FAM149B1: variants seen among roughly 807,000 people sequenced by gnomAD.
FAM149B1 encodes the protein primary cilium assembly protein FAM149B1.
Under a neutral mutation model 75.3 loss-of-function variants are expected in FAM149B1, and 56 were observed. That is an observed-to-expected ratio of 0.74 (90% CI 0.60 to 0.93). FAM149B1 has a LOEUF of 0.93. FAM149B1 is among the 40% of genes least tolerant of loss of function. FAM149B1 has a pLI of 0.00. For synonymous variants in FAM149B1, 259 were observed against 256.1 expected (o/e 1.01, Z -0.11); for missense variants, 639 against 708.4 (o/e 0.90, Z 1.11).
At chr10:73,236,144 A>G (rs759643448) in intron 12 of FAM149B1, among the ~76,000 whole-genome samples, 3 of 152,178 alleles carry the variant, frequency 2.0e-5, no homozygotes, top group East Asian at 1.9e-4. Context: ...TTTTTCTTCT[A>G]TGAGAAGAGT....
chr10:73,210,257 G>A lies in FAM149B1; in HGVS notation c.717G>A (p.Glu239=). The A allele has an allele frequency of 6.5e-7, 1 of 1,549,268 alleles. No homozygotes were observed. The highest frequency in any genetic ancestry group is 8.7e-7 in the Non-Finnish European group (1 of 1,145,066). ...CTTCTTGCTTCTGTTACAGAGAAGA[G>A]GGATTTCATGGGAAGAAATCAGAAG... ...YLAFDHIDIE[E]GFHGKKSEAA... is the part of the protein sequence containing the mutation. Residue 239 remains glutamate (E), a synonymous_variant, in exon 7 of 14, where the codon GAG becomes GAA. Coordinates refer to ENST00000242505, the MANE Select transcript of FAM149B1 (RefSeq NM_173348.2).
chr10:73,231,923 G>GT (rs995774984), intron 9 of FAM149B1, among the ~76,000 whole-genome samples: 3 of 134,564 alleles, frequency 2.2e-5, no homozygotes, highest in Non-Finnish European at 4.6e-5. Context: ...GTTAGGGTGT[G>GT]TTAAAAAAAA....
chr10:73,225,428 A>G (rs984638126), intron 7 of FAM149B1, among the ~76,000 whole-genome samples: 1 of 152,234 alleles, frequency 6.6e-6, no homozygotes, highest in Non-Finnish European at 1.5e-5. Context: ...TTAGATTTTA[A>G]CAAAAAGATT....
In FAM149B1 at chr10:73,168,294, GC is replaced by G. The variant is rs1415602062; in HGVS notation, c.-42del. On this transcript the variant is annotated 5_prime_UTR_variant, in exon 1 of 14. Transcript: ENST00000242505. ...CGGAGGCCCCCACCCTGGCGTGCCT[GC>G]CCCGGCCGCGGCTGAGGAGGAGGAG... 1.3e-5 allele frequency: 20 copies of G among 1,545,370 alleles called. No homozygotes were observed. Among genetic ancestry groups the G allele is most frequent in the Non-Finnish European group, 7.9e-6 (9 of 1,145,184 alleles).
chr10:73,209,694 C>G (rs1431586389), intron 6 of FAM149B1, among the ~76,000 whole-genome samples: 2 of 152,206 alleles, frequency 1.3e-5, no homozygotes, highest in Non-Finnish European at 2.9e-5. Context: ...TCAATCCAGT[C>G]TTCTCTTCAC....
intron 12 of FAM149B1, among the ~76,000 whole-genome samples, chr10:73,237,187 G>T (rs2043841071): frequency 6.6e-6 from 1 of 152,090 alleles, no homozygotes; most frequent in Non-Finnish European, 1.5e-5. Flanking sequence ...CAAGTTCCAG[G>T]TGGACATAAA....
rs2043754700 is a variant in FAM149B1 at position 73,233,327 on chromosome 10, T to C, written c.1352+164T>C. ...TTAGATCCAACACAAAATTTTTTAA[T>C]GTGGTTAAATTTTATTTTATTTTAT... On this transcript the variant is annotated intron_variant, in intron 10 of 13. Transcript: ENST00000242505. 20 of 603,726 alleles carry C rather than the reference T, an allele frequency of 3.3e-5. 1 individual carries two copies. The South Asian group carries it at 3.9e-4, about 12-fold the overall frequency. 37.4% of individuals were successfully genotyped at this position (603,726 alleles called of 1,614,324 possible).
At position 73,239,398 on chromosome 10, in the gene FAM149B1, C is replaced by T; in HGVS notation, c.1675+14C>T. ...GGGGATCTGCAGGTAAAGGTGGGGC[C>T]ATGGCCCTTATTTACTACTGTGTGG... On this transcript the variant is annotated intron_variant, in intron 13 of 13. Coordinates refer to ENST00000242505, the MANE Select transcript of FAM149B1 (RefSeq NM_173348.2). 1 of 1,547,896 alleles carries T rather than the reference C, an allele frequency of 6.5e-7. No individual in the cohort carries two copies. The highest frequency in any genetic ancestry group is 8.7e-7 in the Non-Finnish European group (1 of 1,143,636).
intron 3 of FAM149B1, among the ~76,000 whole-genome samples, chr10:73,189,925 T>G (rs1309843878): frequency 6.6e-6 from 1 of 152,236 alleles, no homozygotes; most frequent in Admixed American, 6.5e-5. Context: ...TAACATCTAT[T>G]TAAATTATTA....
intron 3 of FAM149B1, among the ~76,000 whole-genome samples, chr10:73,180,742 C>G (rs1027846393): frequency 6.6e-6 from 1 of 152,058 alleles, no homozygotes; most frequent in African/African-American, 2.4e-5. Flanking sequence ...GGTGTTTATC[C>G]TTTGAATTAC....
At chr10:73,237,775 G>C (rs1405100597) in intron 12 of FAM149B1, among the ~76,000 whole-genome samples, 1 of 151,928 alleles carries the variant, frequency 6.6e-6, no homozygotes, top group African/African-American at 2.4e-5. Flanking sequence ...ACCCAGGCTG[G>C]AGTGTAGTGG....
At chr10:73,207,402 A>G (rs1207037593) in intron 5 of FAM149B1, among the ~76,000 whole-genome samples, 3 of 151,994 alleles carry the variant, frequency 2.0e-5, no homozygotes, top group Admixed American at 6.6e-5. Context: ...CATCTCTACT[A>G]AAAATACAAA....
At chr10:73,228,038 T>C (rs1291059419) in intron 7 of FAM149B1, 22 bp from the exon 8 acceptor site, 7 of 1,550,670 alleles carry the variant, frequency 4.5e-6, no homozygotes, top group Non-Finnish European at 6.1e-6. Flanking sequence ...CCATGGATAA[T>C]ATATCCTGTT....
intron 7 of FAM149B1, among the ~76,000 whole-genome samples, chr10:73,220,467 C>T (rs2043385637): frequency 6.6e-6 from 1 of 152,114 alleles, no homozygotes; most frequent in East Asian, 1.9e-4. Flanking sequence ...AAAACTTGAA[C>T]ATGAATGCTC....
At chr10:73,168,431 G>T in intron 1 of FAM149B1, 45 bp downstream of exon 1, 1 of 1,546,434 alleles carries the variant, frequency 6.5e-7, no homozygotes. Context: ...GGCGGCGGGC[G>T]CTCTGGGGAC....
At chr10:73,174,529 A>G (rs974925996) in intron 1 of FAM149B1, among the ~76,000 whole-genome samples, 158 bp from the exon 2 acceptor site, 1 of 152,224 alleles carries the variant, frequency 6.6e-6, no homozygotes. Flanking sequence ...TACACTTAAA[A>G]CACAATTCTG....
intron 5 of FAM149B1, chr10:73,200,878 A>G (rs2042918695): frequency 7.9e-6 from 4 of 505,218 alleles, no homozygotes; most frequent in East Asian, 5.4e-5. Context: ...GCTGACTGAG[A>G]AAATACATGC....
intron 3 of FAM149B1, among the ~76,000 whole-genome samples, chr10:73,182,953 C>T (rs1589140755): frequency 6.6e-6 from 1 of 152,328 alleles, no homozygotes; most frequent in East Asian, 1.9e-4. Context: ...CTTAGGCACT[C>T]TCTTACCTTT....
chr10:73,216,482 G>A (rs2043302171), intron 7 of FAM149B1, among the ~76,000 whole-genome samples: 1 of 148,754 alleles, frequency 6.7e-6, no homozygotes, highest in Non-Finnish European at 1.5e-5. Context: ...CTTTTTCTCT[G>A]TCTTTTGTCT....
Sources: allele counts gnomAD v4.1 joint callset (sites outside exome capture counted in the v4.1 genomes callset), GRCh38; gene constraint gnomAD v4.1.1; transcripts MANE v1.5; gene names NCBI Gene and HGNC (gene_info 2026-07-23, HGNC 2026-07-21).